Variants in MALRD1 observed in about 807,000 individuals in gnomAD.
MALRD1 encodes MAM and LDL-receptor class A domain-containing protein 1.
MALRD1 carries 247 observed loss-of-function variants against 242.1 expected under a neutral mutation model. The ratio of observed to expected loss-of-function variants is 1.02; its 90% CI spans 0.92 to 1.13. The LOEUF (loss-of-function observed/expected upper bound fraction) is 1.13, where lower values mean the gene tolerates loss of function less well. Among genes scored for constraint, MALRD1 ranks in the 50% most tolerant of loss-of-function variants. The pLI is 0.00. For synonymous variants in MALRD1, 995 were observed against 866.6 expected, an observed-to-expected ratio of 1.15 and a Z score of -2.60; for missense variants, 2,989 against 2,533.1, an observed-to-expected ratio of 1.18 and a Z score of -3.86.
chr10:19,088,572 T>A (rs943631586), intron 4 of MALRD1, among the ~76,000 whole-genome samples: 25 of 108,074 alleles, frequency 2.3e-4, no homozygotes, highest in South Asian at 9.0e-4. Context: ...AGTTTTTTTT[T>A]ATTTATTTAT....
intron 29 of MALRD1, among the ~76,000 whole-genome samples, chr10:19,453,822 A>G (rs1046646540): frequency 1.6e-4 from 25 of 151,980 alleles, no homozygotes; most frequent in African/African-American, 5.8e-4. Flanking sequence ...GTTTGCAGTG[A>G]GCCGAGATCG....
intron 24 of MALRD1, among the ~76,000 whole-genome samples, chr10:19,339,611 CA>C (rs1382694033): frequency 3.9e-5 from 6 of 152,196 alleles, no homozygotes; most frequent in Admixed American, 3.9e-4. Context: ...CACTCCATTA[CA>C]AGTACTAACT....
intron 35 of MALRD1, among the ~76,000 whole-genome samples, chr10:19,614,198 A>G (rs997238584): frequency 6.6e-6 from 1 of 152,104 alleles, no homozygotes; most frequent in African/African-American, 2.4e-5. Context: ...GAAAGCAAAC[A>G]GAGGCACAGA....
chr10:19,049,963 A>C (rs900196386), intron 1 of MALRD1, among the ~76,000 whole-genome samples: 5 of 152,054 alleles, frequency 3.3e-5, no homozygotes, highest in African/African-American at 1.2e-4. Context: ...CCCTTCATAA[A>C]CCACATTTTC....
rs376995454 is a variant in MALRD1, at chr10:19,205,323, G to T, written c.2578+58G>T. 138 of 1,470,860 alleles carry T rather than the reference G, an allele frequency of 9.4e-5. 1 individual carries two copies. The South Asian group carries it at 1.8e-3, about 19-fold the overall frequency. 91.1% of individuals were successfully genotyped at this position (1,470,860 alleles called of 1,614,324 possible). On this transcript the variant is annotated intron_variant, in intron 17 of 39. Transcript: ENST00000454679. ...TCATTTTGAAAGTGTTGACCTTGAT[G>T]AATTCACTTTTGTCTTGCCAATCAA...
intron 18 of MALRD1, among the ~76,000 whole-genome samples, chr10:19,249,972 G>C (rs1306934769): frequency 6.6e-6 from 1 of 151,834 alleles, no homozygotes; most frequent in Non-Finnish European, 1.5e-5. Flanking sequence ...CTTTTACAAA[G>C]AGAATGAAAG....
At chr10:19,277,309 TAAC>T (rs1354874992) in intron 19 of MALRD1, among the ~76,000 whole-genome samples, 7 of 152,176 alleles carry the variant, frequency 4.6e-5, no homozygotes, top group African/African-American at 1.7e-4. Flanking sequence ...CTCATTTACT[TAAC>T]AATCTATTAA....
chr10:19,715,512 G>A (rs1834342319), intron 38 of MALRD1, among the ~76,000 whole-genome samples: 1 of 152,020 alleles, frequency 6.6e-6, no homozygotes, highest in South Asian at 2.1e-4. Context: ...TCCAGAATAG[G>A]TGACTAGCAA....
intron 36 of MALRD1, among the ~76,000 whole-genome samples, chr10:19,650,853 G>A (rs73595885): frequency 0.11 from 16,647 of 152,144 alleles, 2,331 homozygotes; most frequent in African/African-American, 0.32. Context: ...TAGTATCAGC[G>A]GTTTAGCAGC....
At chr10:19,065,637 G>A (rs1834956041) in intron 1 of MALRD1, among the ~76,000 whole-genome samples, 3 of 152,166 alleles carry the variant, frequency 2.0e-5, no homozygotes, top group African/African-American at 7.2e-5. Context: ...GGGACCATTT[G>A]TGGTTGAGAT....
chr10:19,482,652 TACACACACACACACACACAC>T lies in MALRD1; in HGVS notation c.5030-8845_5030-8826del, dbSNP rs144094060. On this transcript the variant is annotated intron_variant, in intron 29 of 39. Coordinates refer to ENST00000454679, the MANE Select transcript of MALRD1 (RefSeq NM_001142308.3). ...AGAGCACAATCCCATTTACAATAGC[TACACACACACACACACACAC>T]ACACACACACACACACACATACACA... Among the ~76,000 whole-genome samples the T allele has an allele frequency of 1.8e-4, 24 of 136,436 alleles. No homozygotes were observed. In the South Asian group the frequency reaches 3.8e-3, roughly 22 times the overall value. The allele number at this position is 136,436 out of a possible 152,430, so 89.5% of individuals were successfully genotyped here. A position where few individuals can be genotyped will look rare whatever the true frequency, so the allele number is the denominator to read the frequency against.
chr10:19,599,988 T>G (rs371507152), intron 34 of MALRD1, among the ~76,000 whole-genome samples: 3 of 152,062 alleles, frequency 2.0e-5, no homozygotes, highest in Non-Finnish European at 4.4e-5. Context: ...AGGTGGAGAA[T>G]AGATCAGGAG....
Position 19,730,611 on chromosome 10 carries a change from A to G in MALRD1, c.6315-95A>G, listed in dbSNP as rs896944420. 1.4e-5 allele frequency: 17 copies of G among 1,188,102 alleles called. No homozygotes were observed. The Admixed American group carries it at 2.8e-4, about 19-fold the overall frequency. 73.6% of individuals were successfully genotyped at this position (1,188,102 alleles called of 1,614,324 possible). On this transcript the variant is annotated intron_variant, in intron 38 of 39. Transcript: ENST00000454679. ...AAAATAAGTGTGCTGGCTAGACAACATGTCTCTCAAAAGTTTCTAACAAAC... is the reference window on the plus strand; with the variant it reads ...AAAATAAGTGTGCTGGCTAGACAACGTGTCTCTCAAAAGTTTCTAACAAAC...
intron 28 of MALRD1, among the ~76,000 whole-genome samples, chr10:19,414,160 T>C (rs1311894169): frequency 6.6e-6 from 1 of 152,128 alleles, no homozygotes; most frequent in Non-Finnish European, 1.5e-5. Flanking sequence ...TGTACTCTGT[T>C]TAATAATTAA....
At chr10:19,665,155 C>T (rs1230737995) in intron 36 of MALRD1, among the ~76,000 whole-genome samples, 6 of 152,016 alleles carry the variant, frequency 3.9e-5, no homozygotes, top group Non-Finnish European at 5.9e-5. Flanking sequence ...AGGAGAGCTC[C>T]GTGATGAGTA....
intron 14 of MALRD1, among the ~76,000 whole-genome samples, chr10:19,184,963 T>G (rs1038190383): frequency 2.0e-5 from 3 of 152,200 alleles, no homozygotes; most frequent in Admixed American, 2.0e-4. Context: ...GTGTTTGAAG[T>G]CCATTTTGAA....
At chr10:19,231,540 G>A (rs1053585993) in intron 18 of MALRD1, among the ~76,000 whole-genome samples, 11 of 152,232 alleles carry the variant, frequency 7.2e-5, no homozygotes, top group Admixed American at 2.0e-4. Context: ...TCATAGGGGC[G>A]GTTTCCCCCT....
chr10:19,377,717 T>A (rs1845670713), intron 26 of MALRD1, among the ~76,000 whole-genome samples: 1 of 152,078 alleles, frequency 6.6e-6, no homozygotes, highest in Non-Finnish European at 1.5e-5. Flanking sequence ...ACATACACAT[T>A]AAAGGAAAAT....
At chr10:19,179,899 C>G (rs975772528) in intron 14 of MALRD1, among the ~76,000 whole-genome samples, 1 of 152,064 alleles carries the variant, frequency 6.6e-6, no homozygotes, top group Non-Finnish European at 1.5e-5. Flanking sequence ...TCGTCCTTTT[C>G]CAGGGCAATG....
Sources: allele counts gnomAD v4.1 joint callset (sites outside exome capture counted in the v4.1 genomes callset), GRCh38; gene constraint gnomAD v4.1.1; transcripts MANE v1.5; gene names NCBI Gene and HGNC (gene_info 2026-07-23, HGNC 2026-07-21).